DNAAF9: variants seen among roughly 807,000 people sequenced by gnomAD.
DNAAF9 encodes the protein shulin.
Under a neutral mutation model 167.0 loss-of-function variants are expected in DNAAF9, and 90 were observed. The ratio of observed to expected loss-of-function variants is 0.54; its 90% CI spans 0.45 to 0.64. The LOEUF (loss-of-function observed/expected upper bound fraction) is 0.64, where lower values mean the gene tolerates loss of function less well. Among genes scored for constraint, DNAAF9 ranks in the 30% least tolerant of loss-of-function variants. DNAAF9 has a pLI of 0.00. For missense variants in DNAAF9, 1,315 were observed against 1,442.2 expected (o/e 0.91, Z 1.43); for synonymous variants, 491 against 508.8 (o/e 0.96, Z 0.47).
intron 16 of DNAAF9, among the ~76,000 whole-genome samples, chr20:3,319,508 G>A (rs2069577320): frequency 6.6e-6 from 1 of 152,122 alleles, no homozygotes; most frequent in Admixed American, 6.6e-5. Context: ...TGATGACCAG[G>A]AAGATCTGAT....
At chr20:3,355,088 T>C (rs1176458429) in intron 7 of DNAAF9, among the ~76,000 whole-genome samples, 2 of 152,234 alleles carry the variant, frequency 1.3e-5, no homozygotes, top group Non-Finnish European at 2.9e-5. Flanking sequence ...GGAGACTGCA[T>C]GCAGATACTA....
At position 3,255,996 on chromosome 20, in the gene DNAAF9, T is replaced by A. The variant is rs763254531; in HGVS notation, c.3261+10A>T. On this transcript the variant is annotated intron_variant, in intron 34 of 36. Transcript: ENST00000252032. ...ATCTGTGTCAGGTCTGTCTGGGCTC[T>A]GGAAACCACCTGCTTAGCTGACTGC... 1.2e-5 allele frequency: 20 copies of A among 1,609,938 alleles called. No homozygotes were observed. Among genetic ancestry groups the A allele is most frequent in the Non-Finnish European group, 1.6e-5 (19 of 1,177,912 alleles).
chr20:3,271,429 T>C (rs1335065042), intron 29 of DNAAF9, among the ~76,000 whole-genome samples: 1 of 152,060 alleles, frequency 6.6e-6, no homozygotes, highest in Non-Finnish European at 1.5e-5. Context: ...TCCCAACCTT[T>C]TGGTGAAAAT....
chr20:3,383,764 C>A (rs961927757), intron 1 of DNAAF9, among the ~76,000 whole-genome samples: 1 of 151,520 alleles, frequency 6.6e-6, no homozygotes. Context: ...CACTATTTCT[C>A]TTCACTAATT....
At position 3,332,338 on chromosome 20, in the gene DNAAF9, C is replaced by G. The variant is rs1568609697; in HGVS notation, c.1005G>C (p.Lys335Asn). The change falls in exon 11 of 37, where the codon AAG becomes AAC. Residue 335 changes from lysine (K) to asparagine (N), a missense_variant. By Grantham distance (94) the Lys-to-Asn change is moderately conservative. Coordinates refer to ENST00000252032, the MANE Select transcript of DNAAF9 (RefSeq NM_001009984.3). ...ATGTTCTCGAACAAGCAAGAGGTCC[C>G]TTTGGTGAGACACACTGGGCTACCT... ...KHMVAQCVSP[K>N]GPLACSRTYF... is the part of the protein sequence containing the mutation. 1 of 1,606,828 alleles carries G rather than the reference C, an allele frequency of 6.2e-7. No homozygotes were observed. Among genetic ancestry groups the G allele is most frequent in the African/African-American group, 1.3e-5 (1 of 74,830 alleles).
chr20:3,280,331 G>C (rs1435080989), intron 28 of DNAAF9, among the ~76,000 whole-genome samples: 8 of 152,026 alleles, frequency 5.3e-5, no homozygotes, highest in Non-Finnish European at 1.2e-4. Flanking sequence ...TGGAGGCTGA[G>C]ATGGGCAGAT....
chr20:3,276,517 A>G (rs1448156468), intron 29 of DNAAF9, among the ~76,000 whole-genome samples: 1 of 152,242 alleles, frequency 6.6e-6, no homozygotes, highest in Non-Finnish European at 1.5e-5. Context: ...TGCCAGAGAG[A>G]ACAGTCTGTT....
At chr20:3,356,453 A>C (rs1442246479) in intron 7 of DNAAF9, among the ~76,000 whole-genome samples, 1 of 152,012 alleles carries the variant, frequency 6.6e-6, no homozygotes, top group African/African-American at 2.4e-5. Flanking sequence ...GTTATTTTAG[A>C]TTTTCTATCT....
chr20:3,371,639 G>A (rs562810760), intron 6 of DNAAF9, among the ~76,000 whole-genome samples: 71 of 152,130 alleles, frequency 4.7e-4, no homozygotes, highest in African/African-American at 1.6e-3. Flanking sequence ...CACCGCGCCC[G>A]GCAGAAAATC....
At position 3,289,481 on chromosome 20, in the gene DNAAF9, C is replaced by G. The variant is rs1313666354; in HGVS notation, c.2327+648G>C. The stretch of plus-strand genomic sequence containing the variant: ...CAGAAAACTGAAACCCCACTCCCAG[C>G]CCTGCACTTCCTATAACCTTCCCTG... On this transcript the variant is annotated intron_variant, in intron 26 of 36. Coordinates refer to ENST00000252032, the MANE Select transcript of DNAAF9 (RefSeq NM_001009984.3). Among the ~76,000 whole-genome samples the G allele has an allele frequency of 2.0e-5, 3 of 152,038 alleles. No homozygotes were observed. The East Asian group carries it at 5.8e-4, about 29-fold the overall frequency.
At chr20:3,260,820 C>T (rs1018855362) in intron 31 of DNAAF9, among the ~76,000 whole-genome samples, 4 of 152,170 alleles carry the variant, frequency 2.6e-5, no homozygotes, top group African/African-American at 9.7e-5. Context: ...TTTGTAGAGA[C>T]GAGGTTTTGC....
intron 20 of DNAAF9, among the ~76,000 whole-genome samples, chr20:3,309,952 G>A (rs1353016015): frequency 3.9e-5 from 6 of 152,056 alleles, no homozygotes; most frequent in Admixed American, 6.6e-5. Flanking sequence ...CAGAACTTTG[G>A]GAGGCTGTGG....
intron 8 of DNAAF9, among the ~76,000 whole-genome samples, chr20:3,344,322 A>G (rs11907672): frequency 0.74 from 112,647 of 151,972 alleles, 41,988 homozygotes; most frequent in African/African-American, 0.82. Flanking sequence ...ATGTCCAAAG[A>G]ATCCAAAAAT....
Position 3,322,223 on chromosome 20 carries a change from C to T in DNAAF9, c.1350G>A (p.Val450=), listed in dbSNP as rs747771088. The change falls in exon 16 of 37, where the codon GTG becomes GTA. Residue 450 remains valine (V), a synonymous_variant. Transcript: ENST00000252032. The part of the protein sequence containing the change: ...PLDSEDSLSF[V]KTACMAVYDI... The stretch of plus-strand genomic sequence containing the variant: ...CCATGATAGCTCTGCTTACCGTCTT[C>T]ACAAAGGATAAGCTATCTTCACTGT... The T allele has an allele frequency of 2.5e-6, 4 of 1,609,280 alleles. No homozygotes were observed. Among genetic ancestry groups the T allele is most frequent in the Admixed American group, 1.7e-5 (1 of 59,642 alleles).
intron 1 of DNAAF9, among the ~76,000 whole-genome samples, chr20:3,385,118 A>G (rs1352838988): frequency 6.6e-6 from 1 of 152,090 alleles, no homozygotes; most frequent in African/African-American, 2.4e-5. Flanking sequence ...AATTACACAT[A>G]ATGGTCAAAG....
intron 6 of DNAAF9, chr20:3,361,896 T>C (rs1600857643): frequency 6.0e-6 from 9 of 1,491,802 alleles, no homozygotes; most frequent in Non-Finnish European, 8.4e-6. Context: ...GCTCTAACAC[T>C]GTCCTTCAGG....
At chr20:3,364,660 T>C (rs375190761) in intron 6 of DNAAF9, among the ~76,000 whole-genome samples, 17 of 152,350 alleles carry the variant, frequency 1.1e-4, no homozygotes, top group African/African-American at 3.8e-4. Context: ...CAACACACCA[T>C]AGTCTATTAA....
In DNAAF9 at chr20:3,274,516, A is replaced by C. The variant is rs146580391; in HGVS notation, c.2651-3954T>G. On this transcript the variant is annotated intron_variant, in intron 29 of 36. Transcript: ENST00000252032. ...TGTAAAGACTAAGGCATTTAGAGCC[A>C]GGTGAACCTGAGTTTGAATTTTGAG... Among the ~76,000 whole-genome samples, 20 of 152,336 alleles carry C rather than the reference A, an allele frequency of 1.3e-4. No homozygotes were observed. In the East Asian group the frequency reaches 3.7e-3, roughly 28 times the overall value.
At chr20:3,382,198 T>C (rs2083663302) in intron 2 of DNAAF9, among the ~76,000 whole-genome samples, 1 of 152,176 alleles carries the variant, frequency 6.6e-6, no homozygotes, top group African/African-American at 2.4e-5. Context: ...GCTATATATG[T>C]GAGGCTAAAA....
Sources: gnomAD v4.1 joint callset for allele counts (sites outside exome capture counted in the v4.1 genomes callset) on GRCh38, gnomAD v4.1.1 for gene constraint, MANE v1.5 for transcripts, NCBI Gene and HGNC (gene_info 2026-07-23, HGNC 2026-07-21) for gene names.